The following KIF1B variants were observed in gnomAD, a reference collection of about 807,000 sequenced individuals.
The protein encoded by KIF1B is kinesin family member 1B, also known as kinesin-like protein KIF1B.
In KIF1B, 76 loss-of-function variants were observed where a neutral mutation model predicts 241.9. The ratio of observed to expected loss-of-function variants is 0.31; its 90% CI spans 0.26 to 0.38. The LOEUF (loss-of-function observed/expected upper bound fraction) is 0.38. Ranked by LOEUF, KIF1B falls within the 10% of genes least tolerant of loss-of-function variation. The pLI is 1.00. For missense variants in KIF1B, 1,622 were observed against 2,271.4 expected (o/e 0.71, Z 5.81); for synonymous variants, 750 against 796.7 (o/e 0.94, Z 0.99).
At chr1:10,287,421 C>A (rs1649767879) in intron 15 of KIF1B, among the ~76,000 whole-genome samples, 1 of 152,126 alleles carries the variant, frequency 6.6e-6, no homozygotes, top group Admixed American at 6.5e-5. Flanking sequence ...ATCTTGAACT[C>A]TTGTCTCTGG....
At chr1:10,366,221 A>G (rs189295119) in intron 43 of KIF1B, among the ~76,000 whole-genome samples, 166 of 152,276 alleles carry the variant, frequency 1.1e-3, no homozygotes, top group Non-Finnish European at 1.7e-3. Context: ...ACAGAGTGAC[A>G]CTCCATCTCA....
chr1:10,241,876 G>A (rs892203948), intron 2 of KIF1B, among the ~76,000 whole-genome samples: 2 of 152,132 alleles, frequency 1.3e-5, no homozygotes, highest in Non-Finnish European at 2.9e-5. Context: ...GCGAAGTGGT[G>A]TAATGGCAGC....
chr1:10,297,941 C>T (rs1250804135), intron 22 of KIF1B, among the ~76,000 whole-genome samples: 1 of 152,272 alleles, frequency 6.6e-6, no homozygotes, highest in Middle Eastern at 3.4e-3. Flanking sequence ...GCTATTGATA[C>T]AATACTAATG....
intron 18 of KIF1B, 95 bp from the exon 19 acceptor site, chr1:10,295,564 AC>A (rs1179713323): frequency 1.8e-6 from 2 of 1,112,624 alleles, no homozygotes; most frequent in African/African-American, 3.1e-5. Context: ...CCTTTTTTGT[AC>A]GTACCAAAGG....
At chr1:10,346,374 G>GTT (rs61561236) in intron 35 of KIF1B, among the ~76,000 whole-genome samples, 7 of 151,270 alleles carry the variant, frequency 4.6e-5, no homozygotes, top group South Asian at 2.1e-4. Flanking sequence ...TTTGTTTTTT[G>GTT]TTTTTTTTGA....
intron 43 of KIF1B, among the ~76,000 whole-genome samples, chr1:10,366,334 T>C (rs1638571955): frequency 6.6e-6 from 1 of 152,180 alleles, no homozygotes; most frequent in Non-Finnish European, 1.5e-5. Context: ...TCAAATGCTA[T>C]GGGAGTCAGA....
At chr1:10,352,338 G>A (rs1355305325) in intron 37 of KIF1B, among the ~76,000 whole-genome samples, 1 of 152,192 alleles carries the variant, frequency 6.6e-6, no homozygotes, top group African/African-American at 2.4e-5. Flanking sequence ...TTAAATGGCT[G>A]TTGCAGGTTC....
At chr1:10,215,956 AAAC>A (rs1646762549) in intron 1 of KIF1B, among the ~76,000 whole-genome samples, 2 of 152,218 alleles carry the variant, frequency 1.3e-5, no homozygotes, top group African/African-American at 2.4e-5. Context: ...ACAATAACAG[AAAC>A]AACAATAGTG....
At position 10,282,343 on chromosome 1, in the gene KIF1B, A is replaced by G. The variant is rs1374633682; in HGVS notation, c.1244A>G (p.Asn415Ser). 2.5e-6 allele frequency: 4 copies of G among 1,614,044 alleles called. No individual in the cohort carries two copies. The highest frequency in any genetic ancestry group is 1.6e-4 in the Middle Eastern group (1 of 6,062). ...CCAGATCTGAAAGATTTTCAGAACA[A>G]TAAGCATAGATACTTGCTAGCCTCT... Reference protein sequence around the residue: ...GSKYLKDFQNNKHRYLLASEN... With the variant: ...GSKYLKDFQNSKHRYLLASEN... Residue 415 changes from asparagine to serine, a missense_variant, in exon 15 of 49, where the codon AAT becomes AGT. This residue lies in a region of KIF1B where 201 missense variants were observed against 301.2 expected (regional missense o/e 0.67). Coordinates refer to ENST00000676179, the MANE Select transcript of KIF1B (RefSeq NM_001365951.3).
intron 2 of KIF1B, among the ~76,000 whole-genome samples, chr1:10,239,910 C>T (rs1647111299): frequency 5.3e-5 from 8 of 151,818 alleles, no homozygotes; most frequent in Admixed American, 5.3e-4. Flanking sequence ...GGACTACAAG[C>T]ACCCGCCACC....
In KIF1B at chr1:10,248,069, G is replaced by A. The variant is rs368735430; in HGVS notation, c.107-8178G>A. On this transcript the variant is annotated intron_variant, in intron 2 of 48. Transcript: ENST00000676179. ...TAGGCCATGGACAGTACCGGTCTCT[G>A]GCCCAGGGGTGGGGCCCCCTGCTCT... Among the ~76,000 whole-genome samples the A allele has an allele frequency of 4.6e-4, 70 of 152,280 alleles. 2 individuals carry two copies. In the East Asian group the frequency reaches 6.0e-3, roughly 13 times the overall value.
intron 22 of KIF1B, among the ~76,000 whole-genome samples, chr1:10,319,326 T>C (rs1216802187): frequency 6.6e-6 from 1 of 152,150 alleles, no homozygotes; most frequent in Non-Finnish European, 1.5e-5. Flanking sequence ...GGTCTCGAAC[T>C]CCCGACCTCA....
Position 10,378,479 on chromosome 1 carries a change from A to G in KIF1B, c.*1892A>G. 1.4e-6 allele frequency: 1 copy of G among 717,128 alleles called. No individual in the cohort carries two copies. The highest frequency in any genetic ancestry group is 2.6e-6 in the Non-Finnish European group (1 of 384,916). 44.4% of individuals were successfully genotyped at this position (717,128 alleles called of 1,614,324 possible). A position where few individuals can be genotyped will look rare whatever the true frequency, so the allele number is the denominator to read the frequency against. ...TTGCCAGTTGTCTTGGGATTGTTTT[A>G]CACCATCCTTTACTTCCCTTGCTCA... On this transcript the variant is annotated 3_prime_UTR_variant, in exon 49 of 49. Coordinates refer to ENST00000676179, the MANE Select transcript of KIF1B (RefSeq NM_001365951.3).
chr1:10,228,625 A>G (rs1571102129), intron 1 of KIF1B, among the ~76,000 whole-genome samples: 1 of 152,226 alleles, frequency 6.6e-6, no homozygotes, highest in East Asian at 1.9e-4. Context: ...AGACTGGGAG[A>G]GTCTAGACTC....
At chr1:10,331,094 C>CAAA (rs57812252) in intron 27 of KIF1B, among the ~76,000 whole-genome samples, 2 of 129,020 alleles carry the variant, frequency 1.6e-5, no homozygotes, top group Admixed American at 7.9e-5. Flanking sequence ...AACCCCACCT[C>CAAA]AAAAAAAAAA....
At chr1:10,226,744 A>G (rs1472653189) in intron 1 of KIF1B, among the ~76,000 whole-genome samples, 1 of 152,156 alleles carries the variant, frequency 6.6e-6, no homozygotes, top group African/African-American at 2.4e-5. Flanking sequence ...AGGCTGGAAG[A>G]TTACATGAGT....
intron 17 of KIF1B, among the ~76,000 whole-genome samples, 161 bp from the exon 18 acceptor site, chr1:10,294,925 G>T (rs1385087469): frequency 6.6e-6 from 1 of 152,078 alleles, no homozygotes; most frequent in African/African-American, 2.4e-5. Flanking sequence ...CCTGAAGAGA[G>T]TGTTTTCTCT....
At position 10,377,491 on chromosome 1, in the gene KIF1B, A is replaced by G. The variant is rs1245600932; in HGVS notation, c.*904A>G. Reference sequence around the variant, plus strand: ...CACTGTTTTTTCTCTGTTGGGAGGGAAGCTCTTTTCTAGGAGTGTCTCAGT... The same window carrying G: ...CACTGTTTTTTCTCTGTTGGGAGGGGAGCTCTTTTCTAGGAGTGTCTCAGT... On this transcript the variant is annotated 3_prime_UTR_variant, in exon 49 of 49. Transcript: ENST00000676179. 4 of 227,348 alleles carry G rather than the reference A, an allele frequency of 1.8e-5. No homozygotes were observed. The highest frequency in any genetic ancestry group is 6.3e-5 in the East Asian group (1 of 15,952). The allele number at this position is 227,348 out of a possible 1,614,324, so 14.1% of individuals were successfully genotyped here.
chr1:10,283,206 CAAAAAAAAAAAAAAA>C (rs33994771), intron 15 of KIF1B, among the ~76,000 whole-genome samples: 1 of 61,572 alleles, frequency 1.6e-5, no homozygotes, highest in Non-Finnish European at 3.2e-5. Flanking sequence ...GACTCCGTCT[CAAAAAAAAAAAAAAA>C]AAAAAAAAAA....
Sources: gnomAD v4.1 joint callset for allele counts (sites outside exome capture counted in the v4.1 genomes callset) on GRCh38, gnomAD v4.1.1 for gene constraint, gnomAD v4.1.1 regional missense constraint, MANE v1.5 for transcripts, NCBI Gene and HGNC (gene_info 2026-07-23, HGNC 2026-07-21) for gene names.